Variants in AGAP1 observed in about 807,000 individuals in gnomAD.
AGAP1 encodes arf-GAP with GTPase, ANK repeat and PH domain-containing protein 1.
Under a neutral mutation model 105.3 loss-of-function variants are expected in AGAP1, and 29 were observed. The ratio of observed to expected loss-of-function variants is 0.28; its 90% confidence interval spans 0.21 to 0.38. The LOEUF (loss-of-function observed/expected upper bound fraction) is 0.38, where lower values mean the gene tolerates loss of function less well. Ranked by LOEUF, AGAP1 falls within the 10% of genes least tolerant of loss-of-function variation. The pLI, the probability that AGAP1 is intolerant of heterozygous loss-of-function variation, is 1.00. For synonymous variants in AGAP1, 509 were observed against 485.9 expected, an observed-to-expected ratio of 1.05 and a Z score of -0.63; for missense variants, 998 against 1,165.1, an observed-to-expected ratio of 0.86 and a Z score of 2.09.
intron 3 of AGAP1, among the ~76,000 whole-genome samples, chr2:235,718,814 G>C (rs1006354809): frequency 6.6e-6 from 1 of 152,178 alleles, no homozygotes; most frequent in Admixed American, 6.5e-5. Context: ...GGGGTCAATA[G>C]GAGAAAGCTT....
rs1020199882 is a variant in AGAP1 at position 236,073,119 on chromosome 2, C to T, written c.2114+23838C>T. On this transcript the variant is annotated intron_variant, in intron 16 of 17. Coordinates refer to ENST00000304032, the MANE Select transcript of AGAP1 (RefSeq NM_001037131.3). The surrounding 1 kb of genome is among the most constrained non-coding windows in gnomAD (Gnocchi z 5.4). The stretch of plus-strand genomic sequence containing the variant: ...CGAGCGATTCTCCTGCCTTGGTCCC[C>T]CGAGTAGCTGGGATTACAGGCGCAC... Among the ~76,000 whole-genome samples the T allele has an allele frequency of 2.0e-5, 3 of 152,116 alleles. No individual in the cohort carries two copies. Among genetic ancestry groups the T allele is most frequent in the Non-Finnish European group, 2.9e-5 (2 of 68,022 alleles).
At position 235,824,986 on chromosome 2, in the gene AGAP1, G is replaced by C. The variant is rs568582786; in HGVS notation, c.1050+17655G>C. Among the ~76,000 whole-genome samples the C allele has an allele frequency of 1.1e-4, 16 of 152,300 alleles. No homozygotes were observed. The highest frequency in any genetic ancestry group is 2.1e-4 in the Non-Finnish European group (14 of 68,024). On this transcript the variant is annotated intron_variant, in intron 9 of 17. Transcript: ENST00000304032. The surrounding 1 kb of genome is among the most constrained non-coding windows in gnomAD (Gnocchi z 5.2). Reference sequence around the variant, plus strand: ...ACAGTGGAGGAGATTCAGGAGACTTGATTTATGGAAGCTTTTTCTTATTTG... The same window carrying C: ...ACAGTGGAGGAGATTCAGGAGACTTCATTTATGGAAGCTTTTTCTTATTTG...
rs770992698 is a variant in AGAP1 at position 236,120,154 on chromosome 2, C to A, written c.2115-38C>A. 2 of 1,582,058 alleles carry A rather than the reference C, an allele frequency of 1.3e-6. No homozygotes were observed. The highest frequency in any genetic ancestry group is 1.2e-5 in the South Asian group (1 of 85,100). On this transcript the variant is annotated intron_variant, in intron 16 of 17. Transcript: ENST00000304032. The surrounding 1 kb of genome is among the most constrained non-coding windows in gnomAD (Gnocchi z 6.0). ...GGGGCTGGCAGCCTGTGTTCTCGGG[C>A]CTGATCGTGACTGCACCTGTCTGGT... is the stretch of plus-strand genomic sequence containing the variant.
At chr2:235,815,190 A>C (rs1958382374) in intron 9 of AGAP1, among the ~76,000 whole-genome samples, 1 of 152,148 alleles carries the variant, frequency 6.6e-6, no homozygotes, top group African/African-American at 2.4e-5. Context: ...ATGAGTCCCC[A>C]GGGCTGCCCT....
rs539535406 is a variant in AGAP1, at chr2:235,972,802, A to G, written c.1645+4179A>G. Among the ~76,000 whole-genome samples the G allele has an allele frequency of 7.6e-4, 115 of 152,270 alleles. No individual in the cohort carries two copies. The South Asian group carries it at 1.0e-2, about 13-fold the overall frequency. The stretch of plus-strand genomic sequence containing the variant: ...CCTACAAGCCCCTGAAGCCCGTGCC[A>G]TGCCACTCTGTTGGTGGTCCACAAA... On this transcript the variant is annotated intron_variant, in intron 13 of 17. Transcript: ENST00000304032.
At chr2:235,784,706 A>G (rs151049866) in intron 6 of AGAP1, among the ~76,000 whole-genome samples, 4 of 151,986 alleles carry the variant, frequency 2.6e-5, no homozygotes, top group African/African-American at 7.3e-5. Context: ...TGTTAATCAT[A>G]TAGAATTTAG....
chr2:235,670,364 G>T (rs147286947), intron 1 of AGAP1: 73 of 535,516 alleles, frequency 1.4e-4, no homozygotes, highest in Middle Eastern at 1.2e-3. Flanking sequence ...CCGGCCGCGC[G>T]CTTGGGATTT....
chr2:235,754,371 G>C lies in AGAP1; in HGVS notation c.673+3883G>C, dbSNP rs1244070418. Among the ~76,000 whole-genome samples the C allele has an allele frequency of 1.3e-5, 2 of 150,056 alleles. No individual in the cohort carries two copies. Among genetic ancestry groups the C allele is most frequent in the Non-Finnish European group, 3.0e-5 (2 of 67,664 alleles). ...TTACTTTTTATACCTGTATATGGTAGAAAGAAAACATAAAGGAAAAGCGTG... is the reference window on the plus strand; with the variant it reads ...TTACTTTTTATACCTGTATATGGTACAAAGAAAACATAAAGGAAAAGCGTG... On this transcript the variant is annotated intron_variant, in intron 6 of 17. Transcript: ENST00000304032. This position sits in a 1 kb window ranked among gnomAD's most constrained non-coding sequence, Gnocchi z 4.6.
chr2:235,664,333 C>A lies in AGAP1; in HGVS notation c.164-44846C>A, dbSNP rs143139395. ...TTCAAGCGATTTCCCTACCTCAGCC[C>A]CCCAGGTAGCTGGGATTACAGGTGC... is the stretch of plus-strand genomic sequence containing the variant. On this transcript the variant is annotated intron_variant, in intron 1 of 17. Transcript: ENST00000304032. The surrounding 1 kb of genome is among the most constrained non-coding windows in gnomAD (Gnocchi z 5.7). 6.6e-6 allele frequency among the ~76,000 whole-genome samples: 1 copy of A among 151,860 alleles called. No homozygotes were observed. Among genetic ancestry groups the A allele is most frequent in the Non-Finnish European group, 1.5e-5 (1 of 67,978 alleles).
intron 1 of AGAP1, among the ~76,000 whole-genome samples, chr2:235,592,590 T>G (rs1010055317): frequency 6.6e-6 from 1 of 152,066 alleles, no homozygotes; most frequent in Non-Finnish European, 1.5e-5. Flanking sequence ...TTCTTGTGGT[T>G]TTGAGCAGAT....
At chr2:236,048,000 G>A (rs1047191950) in intron 15 of AGAP1, among the ~76,000 whole-genome samples, 12 of 152,164 alleles carry the variant, frequency 7.9e-5, no homozygotes, top group African/African-American at 1.9e-4. Flanking sequence ...ATCAACTGGC[G>A]TAAGGCTATT....
In AGAP1 at chr2:235,642,758, C is replaced by T. The variant is rs1180642787; in HGVS notation, c.164-66421C>T. Among the ~76,000 whole-genome samples, 1 of 152,178 alleles carries T rather than the reference C, an allele frequency of 6.6e-6. No individual in the cohort carries two copies. Among genetic ancestry groups the T allele is most frequent in the Non-Finnish European group, 1.5e-5 (1 of 68,034 alleles). ...GTGAGATGTGCAGACATAATTCTTG[C>T]TTTTAGAAGGAGGGGGGAAAATAGA... On this transcript the variant is annotated intron_variant, in intron 1 of 17. Coordinates refer to ENST00000304032, the MANE Select transcript of AGAP1 (RefSeq NM_001037131.3). The surrounding 1 kb of genome is among the most constrained non-coding windows in gnomAD (Gnocchi z 4.1).
intron 1 of AGAP1, among the ~76,000 whole-genome samples, chr2:235,708,064 T>A (rs1036912411): frequency 6.6e-6 from 1 of 151,704 alleles, no homozygotes; most frequent in Non-Finnish European, 1.5e-5. Context: ...GTTAGCCCCT[T>A]GGCTTCCAGC....
rs1953563562 is a variant in AGAP1 at position 235,752,827 on chromosome 2, G to C, written c.673+2339G>C. Among the ~76,000 whole-genome samples the C allele has an allele frequency of 6.6e-6, 1 of 152,216 alleles. No individual in the cohort carries two copies. The highest frequency in any genetic ancestry group is 1.5e-5 in the Non-Finnish European group (1 of 68,048). Reference sequence around the variant, plus strand: ...GATGATGCTGCCTTCCTGCCAAACAGCCTTTGTACGTTCTGGCTGCTCTAA... The same window carrying C: ...GATGATGCTGCCTTCCTGCCAAACACCCTTTGTACGTTCTGGCTGCTCTAA... On this transcript the variant is annotated intron_variant, in intron 6 of 17. Transcript: ENST00000304032. This position sits in a 1 kb window ranked among gnomAD's most constrained non-coding sequence, Gnocchi z 4.3.
intron 16 of AGAP1, among the ~76,000 whole-genome samples, chr2:236,077,201 CAT>C (rs1559252382): frequency 6.8e-6 from 1 of 146,254 alleles, no homozygotes; most frequent in Non-Finnish European, 1.5e-5. Flanking sequence ...TAATGTTTGA[CAT>C]ATTACATGTA....
intron 6 of AGAP1, among the ~76,000 whole-genome samples, chr2:235,772,223 C>T (rs1955517713): frequency 6.6e-6 from 1 of 152,030 alleles, no homozygotes; most frequent in Non-Finnish European, 1.5e-5. Flanking sequence ...GAATCCTGAC[C>T]TCAGGTGATC....
rs1306800170 is a variant in AGAP1, at chr2:235,989,771, G to A, written c.1645+21148G>A. On this transcript the variant is annotated intron_variant, in intron 13 of 17. Coordinates refer to ENST00000304032, the MANE Select transcript of AGAP1 (RefSeq NM_001037131.3). This position sits in a 1 kb window ranked among gnomAD's most constrained non-coding sequence, Gnocchi z 4.4. ...GGACTGAAGACATTGGCAAGCATCAGTCCGTGCGGGAGACGTGCATGGAGT... is the reference window on the plus strand; with the variant it reads ...GGACTGAAGACATTGGCAAGCATCAATCCGTGCGGGAGACGTGCATGGAGT... Among the ~76,000 whole-genome samples, 3 of 152,178 alleles carry A rather than the reference G, an allele frequency of 2.0e-5. No homozygotes were observed. Among genetic ancestry groups the A allele is most frequent in the Admixed American group, 2.0e-4 (3 of 15,278 alleles).
In AGAP1 at chr2:235,864,766, CT is replaced by C. The variant is rs2049080469; in HGVS notation, c.1051-18575del. On this transcript the variant is annotated intron_variant, in intron 9 of 17. Transcript: ENST00000304032. The surrounding 1 kb of genome is among the most constrained non-coding windows in gnomAD (Gnocchi z 5.0). ...TTTTGTTTTTCTTAGTTTCCTTTTC[CT>C]TTTCTTTTCTTTCCTTTGGATGGAG... Among the ~76,000 whole-genome samples, 1 of 151,382 alleles carries C rather than the reference CT, an allele frequency of 6.6e-6. No homozygotes were observed. The highest frequency in any genetic ancestry group is 1.9e-4 in the East Asian group (1 of 5,170).
At chr2:235,583,060 T>C (rs7557171) in intron 1 of AGAP1, among the ~76,000 whole-genome samples, 85,531 of 152,028 alleles carry the variant, frequency 0.56, 24,961 homozygotes, top group African/African-American at 0.72. Flanking sequence ...TAGAATAAAC[T>C]TCATTTGTCC....
Sources: allele counts gnomAD v4.1 joint callset (sites outside exome capture counted in the v4.1 genomes callset), GRCh38; gene constraint gnomAD v4.1.1; non-coding constraint Gnocchi (gnomAD v3.1); transcripts MANE v1.5; gene names NCBI Gene and HGNC (gene_info 2026-07-23, HGNC 2026-07-21).